Variants in RIMS2 observed in about 807,000 individuals in gnomAD.
RIMS2 encodes the protein regulating synaptic membrane exocytosis protein 2.
Under a neutral mutation model 174.4 loss-of-function variants are expected in RIMS2, and 59 were observed. That is an observed-to-expected ratio of 0.34 (90% CI 0.27 to 0.42). The LOEUF (loss-of-function observed/expected upper bound fraction) is 0.42, where lower values mean the gene tolerates loss of function less well. Among genes scored for constraint, RIMS2 ranks in the 10% least tolerant of loss-of-function variants. The probability of loss-of-function intolerance (pLI) is 1.00; values close to 1 mark genes in which losing one functional copy is unlikely to be tolerated. For synonymous variants in RIMS2, 606 were observed against 572.5 expected, an observed-to-expected ratio of 1.06 and a Z score of -0.84; for missense variants, 1,620 against 1,666.3, an observed-to-expected ratio of 0.97 and a Z score of 0.48.
chr8:104,029,254 A>G (rs10108718), intron 19 of RIMS2, among the ~76,000 whole-genome samples: 34,349 of 152,084 alleles, frequency 0.23, 4,035 homozygotes, highest in South Asian at 0.35. Context: ...TTTTATTAGC[A>G]AGGTCTTCAT....
At chr8:103,887,084 A>G (rs1477823738) in intron 4 of RIMS2, among the ~76,000 whole-genome samples, 1 of 151,826 alleles carries the variant, frequency 6.6e-6, no homozygotes, top group Non-Finnish European at 1.5e-5. Context: ...TTGAGTTTTC[A>G]GTCTCAATTC....
intron 1 of RIMS2, among the ~76,000 whole-genome samples, chr8:103,550,336 C>G (rs113488379): frequency 1.3e-5 from 2 of 152,152 alleles, no homozygotes; most frequent in African/African-American, 4.8e-5. Flanking sequence ...GGAAATTGAA[C>G]AACCTGTCCT....
At chr8:103,850,637 C>T (rs1361876348) in intron 3 of RIMS2, among the ~76,000 whole-genome samples, 1 of 151,896 alleles carries the variant, frequency 6.6e-6, no homozygotes, top group Non-Finnish European at 1.5e-5. Context: ...TTTGTGGCCA[C>T]CTATTCTTTT....
At chr8:103,868,654 T>G (rs2154509428) in intron 3 of RIMS2, among the ~76,000 whole-genome samples, 1 of 152,216 alleles carries the variant, frequency 6.6e-6, no homozygotes, top group South Asian at 2.1e-4. Context: ...ATTATGCAAA[T>G]TAAGTAAAAA....
intron 19 of RIMS2, among the ~76,000 whole-genome samples, chr8:104,025,467 A>T (rs2096232771): frequency 1.3e-5 from 2 of 152,178 alleles, no homozygotes. Flanking sequence ...AGCCTGGGTG[A>T]CAGAGGGTGA....
intron 1 of RIMS2, among the ~76,000 whole-genome samples, chr8:103,612,380 G>C (rs1230246512): frequency 6.6e-6 from 1 of 152,056 alleles, no homozygotes; most frequent in Non-Finnish European, 1.5e-5. Context: ...TGAAGAGTTA[G>C]GTATTTATTG....
At chr8:103,875,118 A>T (rs1565048371) in intron 3 of RIMS2, among the ~76,000 whole-genome samples, 2 of 151,910 alleles carry the variant, frequency 1.3e-5, no homozygotes, top group African/African-American at 2.4e-5. Flanking sequence ...AAGAGATTAA[A>T]TTTTTTTATT....
intron 19 of RIMS2, among the ~76,000 whole-genome samples, chr8:104,191,512 A>G (rs2098997748): frequency 6.6e-6 from 1 of 152,260 alleles, no homozygotes; most frequent in South Asian, 2.1e-4. Context: ...GCTTAAGACC[A>G]AAAGATAAAA....
intron 4 of RIMS2, among the ~76,000 whole-genome samples, chr8:103,887,511 A>G (rs72681356): frequency 0.13 from 20,113 of 151,420 alleles, 1,816 homozygotes; most frequent in Non-Finnish European, 0.2. Context: ...TCATTTTTAA[A>G]TTATTTTTAA....
chr8:104,010,044 G>A (rs1330378939), intron 17 of RIMS2, among the ~76,000 whole-genome samples: 2 of 151,992 alleles, frequency 1.3e-5, no homozygotes, highest in Non-Finnish European at 2.9e-5. Context: ...ACGGATGACA[G>A]GCAATAACAT....
intron 19 of RIMS2, among the ~76,000 whole-genome samples, chr8:104,217,313 G>A (rs779032176): frequency 1.4e-4 from 21 of 151,504 alleles, no homozygotes; most frequent in Non-Finnish European, 2.4e-4. Flanking sequence ...TTGTTACCCA[G>A]GCTGGAGTGC....
intron 1 of RIMS2, among the ~76,000 whole-genome samples, chr8:103,525,547 G>T (rs573339925): frequency 6.6e-6 from 1 of 152,278 alleles, no homozygotes; most frequent in East Asian, 1.9e-4. Context: ...TTGGACAGAG[G>T]AGGGTATGGC....
In RIMS2 at chr8:104,166,098, G is replaced by A. The variant is rs868021683; in HGVS notation, c.3335-78818G>A. On this transcript the variant is annotated intron_variant, in intron 19 of 23. Transcript: ENST00000504942. ...TTTTTTTTTTTTGAGACAGAGTCTC[G>A]CTCTGTCGCCCAGGCTGGAGTGCAG... Among the ~76,000 whole-genome samples the A allele has an allele frequency of 1.7e-3, 213 of 128,936 alleles. 1 individual carries two copies. Among genetic ancestry groups the A allele is most frequent in the African/African-American group, 5.7e-3 (194 of 33,786 alleles). 84.6% of individuals were successfully genotyped at this position (128,936 alleles called of 152,430 possible). A position where few individuals can be genotyped will look rare whatever the true frequency, so the allele number is the denominator to read the frequency against.
intron 1 of RIMS2, among the ~76,000 whole-genome samples, chr8:103,533,032 C>T (rs1447970188): frequency 2.0e-5 from 3 of 152,072 alleles, no homozygotes; most frequent in African/African-American, 7.2e-5. Context: ...GCATTGATCA[C>T]AATATTCTCA....
At chr8:103,854,319 ACTT>A (rs1373240134) in intron 3 of RIMS2, among the ~76,000 whole-genome samples, 8 of 151,960 alleles carry the variant, frequency 5.3e-5, no homozygotes. Flanking sequence ...AGATAGATTG[ACTT>A]CTTCTTTTCC....
chr8:103,754,063 T>G (rs1012358359), intron 2 of RIMS2, among the ~76,000 whole-genome samples: 1 of 152,208 alleles, frequency 6.6e-6, no homozygotes, highest in African/African-American at 2.4e-5. Flanking sequence ...CTTGTGGGCA[T>G]TTAGTGCTAT....
chr8:104,034,475 T>A (rs1565950636), intron 19 of RIMS2, among the ~76,000 whole-genome samples: 1 of 84,104 alleles, frequency 1.2e-5, no homozygotes, highest in Non-Finnish European at 2.5e-5. Flanking sequence ...TTTTTTTTTT[T>A]TTTTTTTTTT....
chr8:103,989,474 C>A, intron 17 of RIMS2, 53 bp downstream of exon 19: 1 of 916,932 alleles, frequency 1.1e-6, no homozygotes, highest in Non-Finnish European at 1.7e-6. Flanking sequence ...TCACTGCTTT[C>A]AGGAAGGGGT....
chr8:104,105,992 T>C (rs1024804682), intron 19 of RIMS2, among the ~76,000 whole-genome samples: 1 of 130,098 alleles, frequency 7.7e-6, no homozygotes, highest in African/African-American at 3.0e-5. Flanking sequence ...TGAGCCAAGA[T>C]TGTGCCACTG....
Sources: allele counts gnomAD v4.1 joint callset (sites outside exome capture counted in the v4.1 genomes callset), GRCh38; gene constraint gnomAD v4.1.1; transcripts MANE v1.5; gene names NCBI Gene and HGNC (gene_info 2026-07-23, HGNC 2026-07-21).